Variants in NUP133 observed in about 807,000 individuals in gnomAD.
The protein encoded by NUP133 is nucleoporin 133.
In NUP133, 66 loss-of-function variants were observed where a neutral mutation model predicts 146.2. The observed-to-expected ratio is 0.45, with a 90% confidence interval of 0.37 to 0.55. NUP133 has a LOEUF of 0.55. Ranked by LOEUF, NUP133 falls within the 20% of genes least tolerant of loss-of-function variation. The pLI is 0.00. For synonymous variants in NUP133, 521 were observed against 498.8 expected (o/e 1.04, Z -0.59); for missense variants, 1,277 against 1,374.8 (o/e 0.93, Z 1.12).
At chr1:229,487,838 ATTTTT>A (rs10565327) in intron 9 of NUP133, among the ~76,000 whole-genome samples, 3 of 118,154 alleles carry the variant, frequency 2.5e-5, no homozygotes, top group African/African-American at 3.5e-5. Context: ...TGCTTTTTTA[ATTTTT>A]TTTTTTTTTT....
chr1:229,450,249 T>C (rs534348176), intron 23 of NUP133, among the ~76,000 whole-genome samples: 1 of 152,084 alleles, frequency 6.6e-6, no homozygotes, highest in Admixed American at 6.5e-5. Flanking sequence ...ACTTAATAAA[T>C]GAAAGACAAA....
intron 12 of NUP133, among the ~76,000 whole-genome samples, chr1:229,480,852 AT>A (rs5781543): frequency 0.17 from 21,834 of 125,842 alleles, 2,111 homozygotes; most frequent in Admixed American, 0.24. Context: ...ACACCCAGCT[AT>A]TTTTTTTTTT....
chr1:229,480,281 T>A (rs6690039), intron 12 of NUP133, among the ~76,000 whole-genome samples: 1 of 152,080 alleles, frequency 6.6e-6, no homozygotes, highest in African/African-American at 2.4e-5. Flanking sequence ...GCTGTCATGG[T>A]CCCTTGGTAG....
chr1:229,479,644 T>C (rs1241799952), intron 12 of NUP133, among the ~76,000 whole-genome samples: 1 of 152,150 alleles, frequency 6.6e-6, no homozygotes, highest in East Asian at 1.9e-4. Context: ...GATGGAAGAA[T>C]AAGCTTTGGA....
At chr1:229,458,382 C>T in intron 20 of NUP133, 86 bp from the exon 21 acceptor site, 1 of 1,359,714 alleles carries the variant, frequency 7.4e-7, no homozygotes, top group Non-Finnish European at 1.0e-6. Flanking sequence ...ACTTGTTTTT[C>T]TCCCCTAAGC....
In NUP133 at chr1:229,449,318, C is replaced by T. The variant is rs568407856; in HGVS notation, c.3181-128G>A. 68 of 621,550 alleles carry T rather than the reference C, an allele frequency of 1.1e-4. 1 individual carries two copies. The South Asian group carries it at 1.2e-3, about 11-fold the overall frequency. 38.5% of individuals were successfully genotyped at this position (621,550 alleles called of 1,614,324 possible). A position where few individuals can be genotyped will look rare whatever the true frequency, so the allele number is the denominator to read the frequency against. On this transcript the variant is annotated intron_variant, in intron 23 of 25. Transcript: ENST00000261396. ...ATATCTATGAATTACTTTCAGGTTA[C>T]TCTGTGGTGATGATGATTTTATCAG...
chr1:229,491,341 A>G (rs1224420146), intron 8 of NUP133, among the ~76,000 whole-genome samples: 1 of 152,202 alleles, frequency 6.6e-6, no homozygotes, highest in Non-Finnish European at 1.5e-5. Flanking sequence ...CCAGAGGAAA[A>G]ACATTTTTAA....
chr1:229,442,755 C>G (rs1281349607), intron 25 of NUP133, among the ~76,000 whole-genome samples: 1 of 148,534 alleles, frequency 6.7e-6, no homozygotes, highest in Non-Finnish European at 1.5e-5. Flanking sequence ...ACTCTGCTGG[C>G]CAGGCAATGG....
intron 24 of NUP133, among the ~76,000 whole-genome samples, chr1:229,445,607 C>T (rs568663324): frequency 6.6e-6 from 1 of 152,358 alleles, no homozygotes; most frequent in East Asian, 1.9e-4. Flanking sequence ...GCATGAGCCA[C>T]TGGACCCAGC....
At chr1:229,452,666 G>T in intron 21 of NUP133, 23 bp from the exon 22 acceptor site, 1 of 1,537,826 alleles carries the variant, frequency 6.5e-7, no homozygotes, top group Non-Finnish European at 8.9e-7. Flanking sequence ...ATGAGAGGGA[G>T]GGAAAGAGAA....
At chr1:229,455,417 C>T (rs375421506) in intron 21 of NUP133, among the ~76,000 whole-genome samples, 6 of 151,954 alleles carry the variant, frequency 3.9e-5, no homozygotes, top group Non-Finnish European at 7.4e-5. Flanking sequence ...AAAAATTAGC[C>T]GGGCATGGGA....
At chr1:229,464,985 T>A in intron 17 of NUP133, 110 bp from the exon 18 acceptor site, 1 of 1,293,766 alleles carries the variant, frequency 7.7e-7, no homozygotes, top group Non-Finnish European at 1.1e-6. Context: ...GAAAATTACA[T>A]TGAACAGGGA....
At chr1:229,478,119 CG>C (rs1295926773) in intron 12 of NUP133, among the ~76,000 whole-genome samples, 1 of 151,774 alleles carries the variant, frequency 6.6e-6, no homozygotes, top group Non-Finnish European at 1.5e-5. Flanking sequence ...ACCCCACAAA[CG>C]TATACACCTA....
Position 229,477,502 on chromosome 1 carries a change from T to C in NUP133, c.1756+95A>G. ...AAAATATTGAATTAATATTAAATTGTTTGAGAAGCTAAAAAATATGCTTTA... is the reference window on the plus strand; with the variant it reads ...AAAATATTGAATTAATATTAAATTGCTTGAGAAGCTAAAAAATATGCTTTA... On this transcript the variant is annotated intron_variant, in intron 13 of 25. Coordinates refer to ENST00000261396, the MANE Select transcript of NUP133 (RefSeq NM_018230.3). 3 of 935,522 alleles carry C rather than the reference T, an allele frequency of 3.2e-6. No individual in the cohort carries two copies. The East Asian group carries it at 8.5e-5, about 27-fold the overall frequency. 58.0% of individuals were successfully genotyped at this position (935,522 alleles called of 1,614,324 possible). A position where few individuals can be genotyped will look rare whatever the true frequency, so the allele number is the denominator to read the frequency against.
At chr1:229,467,937 A>G (rs1190679242) in intron 15 of NUP133, among the ~76,000 whole-genome samples, 1 of 152,022 alleles carries the variant, frequency 6.6e-6, no homozygotes, top group Admixed American at 6.6e-5. Flanking sequence ...AAAAAAAAAA[A>G]AGGAAAGCAT....
At chr1:229,482,339 A>G (rs1050960038) in intron 12 of NUP133, among the ~76,000 whole-genome samples, 20 of 152,220 alleles carry the variant, frequency 1.3e-4, no homozygotes, top group African/African-American at 4.8e-4. Flanking sequence ...AAGGTAGTAC[A>G]CTCAGTATAT....
chr1:229,495,401 G>A, intron 8 of NUP133, 94 bp downstream of exon 8: 4 of 830,156 alleles, frequency 4.8e-6, no homozygotes, highest in Non-Finnish European at 5.9e-6. Flanking sequence ...CAAAGAAAGA[G>A]CACATAGTGA....
intron 12 of NUP133, among the ~76,000 whole-genome samples, chr1:229,480,878 A>C (rs1299972531): frequency 1.3e-5 from 2 of 149,076 alleles, no homozygotes; most frequent in Non-Finnish European, 3.0e-5. Flanking sequence ...TTTTTTAAGA[A>C]GAGACAAGGT....
At chr1:229,465,048 T>C (rs1660780675) in intron 17 of NUP133, among the ~76,000 whole-genome samples, 173 bp from the exon 18 acceptor site, 1 of 152,154 alleles carries the variant, frequency 6.6e-6, no homozygotes, top group Non-Finnish European at 1.5e-5. Flanking sequence ...TCCAAGGAGA[T>C]TTCCTCAGCA....
Sources: gnomAD v4.1 joint callset for allele counts (sites outside exome capture counted in the v4.1 genomes callset) on GRCh38, gnomAD v4.1.1 for gene constraint, MANE v1.5 for transcripts, NCBI Gene and HGNC (gene_info 2026-07-23, HGNC 2026-07-21) for gene names.